NBPF26: variants seen among roughly 807,000 people sequenced by gnomAD.
NBPF26 encodes the protein NBPF family member NBPF26.
NBPF26 carries 79 observed loss-of-function variants against 119.6 expected under a neutral mutation model. The ratio of observed to expected loss-of-function variants is 0.66; its 90% confidence interval spans 0.55 to 0.80. The LOEUF is 0.80. Ranked by LOEUF, NBPF26 falls within the 30% of genes least tolerant of loss-of-function variation. The pLI, the probability that NBPF26 is intolerant of heterozygous loss-of-function variation, is 0.00. For missense variants in NBPF26, 800 were observed against 1,198.2 expected, an observed-to-expected ratio of 0.67 and a Z score of 4.91; for synonymous variants, 299 against 457.7, an observed-to-expected ratio of 0.65 and a Z score of 4.43.
rs1344118463 is a variant in NBPF26 at position 120,742,374 on chromosome 1, C to T, written c.73+18124C>T. On this transcript the variant is annotated intron_variant, in intron 1 of 29. Transcript: ENST00000620612. The stretch of plus-strand genomic sequence containing the variant: ...GTGTGTGTTGGGAGGAGGAATAGAC[C>T]TTGGAATTGTTTTTTCAAAACTTTT... 1.4e-4 allele frequency among the ~76,000 whole-genome samples: 3 copies of T among 21,238 alleles called. 1 individual carries two copies. Among genetic ancestry groups the T allele is most frequent in the Non-Finnish European group, 2.2e-4 (3 of 13,926 alleles). The allele number at this position is 21,238 out of a possible 152,430, so 13.9% of individuals were successfully genotyped here.
intron 10 of NBPF26, among the ~76,000 whole-genome samples, chr1:120,812,954 T>TAATA (rs1329293239): frequency 2.9e-5 from 3 of 102,242 alleles, no homozygotes; most frequent in African/African-American, 5.8e-5. Flanking sequence ...ATAATAATAA[T>TAATA]AATAAATAAA....
intron 4 of NBPF26, among the ~76,000 whole-genome samples, chr1:120,802,331 A>C (rs2101482876): frequency 7.9e-6 from 1 of 126,128 alleles, no homozygotes; most frequent in South Asian, 2.4e-4. Context: ...TGGGGGTAGG[A>C]CCCATTGAGC....
intron 2 of NBPF26, among the ~76,000 whole-genome samples, 156 bp from the exon 3 acceptor site, chr1:120,784,818 T>G (rs1164382407): frequency 8.4e-6 from 1 of 119,194 alleles, no homozygotes; most frequent in Non-Finnish European, 1.6e-5. Context: ...CTCTAAGGAC[T>G]CTTTCTTCTA....
rs1263798469 is a variant in NBPF26, at chr1:120,776,212, C to G, written c.156-8762C>G. Among the ~76,000 whole-genome samples, 3 of 116,348 alleles carry G rather than the reference C, an allele frequency of 2.6e-5. 1 individual carries two copies. Among genetic ancestry groups the G allele is most frequent in the Non-Finnish European group, 4.9e-5 (3 of 60,826 alleles). 76.3% of individuals were successfully genotyped at this position (116,348 alleles called of 152,430 possible). On this transcript the variant is annotated intron_variant, in intron 2 of 29. Transcript: ENST00000620612. ...TGTTGACAGATAATCATAATAAGGGCTAATGAGTAACACAGGCTCAGGGTT... is the reference window on the plus strand; with the variant it reads ...TGTTGACAGATAATCATAATAAGGGGTAATGAGTAACACAGGCTCAGGGTT...
intron 10 of NBPF26, among the ~76,000 whole-genome samples, 184 bp from the exon 11 acceptor site, chr1:120,813,707 A>C (rs1294045078): frequency 7.8e-6 from 1 of 128,450 alleles, no homozygotes; most frequent in Non-Finnish European, 1.6e-5. Flanking sequence ...TCATCTCTAA[A>C]TTTTGGAGGA....
Position 120,816,948 on chromosome 1 carries a change from A to G in NBPF26, c.2371+121A>G. 1.1e-5 allele frequency: 12 copies of G among 1,140,550 alleles called. 1 individual carries two copies. Among genetic ancestry groups the G allele is most frequent in the Non-Finnish European group, 1.5e-5 (12 of 825,492 alleles). 70.7% of individuals were successfully genotyped at this position (1,140,550 alleles called of 1,614,324 possible). A position where few individuals can be genotyped will look rare whatever the true frequency, so the allele number is the denominator to read the frequency against. On this transcript the variant is annotated intron_variant, in intron 14 of 29. Coordinates refer to ENST00000620612, the Ensembl canonical transcript of NBPF26. Reference sequence around the variant, plus strand: ...AAAACTGTGATGGGTTTCTAAACAGATATCAGGGAGTTTTTTGTCCTTCTC... The same window carrying G: ...AAAACTGTGATGGGTTTCTAAACAGGTATCAGGGAGTTTTTTGTCCTTCTC...
rs1650784419 is a variant in NBPF26 at position 120,724,045 on chromosome 1, A to G, written c.-133A>G. ...CACCTGGGCTTCGGAGCGTAGCGCC[A>G]GGGCCTGAGCCTTTGAAGCAGGAGG... On this transcript the variant is annotated 5_prime_UTR_variant, in exon 1 of 30. Coordinates refer to ENST00000620612, the Ensembl canonical transcript of NBPF26. 1.1e-5 allele frequency: 14 copies of G among 1,260,110 alleles called. 2 individuals are homozygous for G. The South Asian group carries it at 2.0e-4, about 18-fold the overall frequency. The allele number at this position is 1,260,110 out of a possible 1,614,324, so 78.1% of individuals were successfully genotyped here. A position where few individuals can be genotyped will look rare whatever the true frequency, so the allele number is the denominator to read the frequency against.
In NBPF26 at chr1:120,737,639, A is replaced by G. The variant is rs1390582768; in HGVS notation, c.73+13389A>G. On this transcript the variant is annotated intron_variant, in intron 1 of 29. Coordinates refer to ENST00000620612, the Ensembl canonical transcript of NBPF26. Reference sequence around the variant, plus strand: ...TGTGGCTATATTTAAAATTTCAATGACAGCAGTGAAAATAATTTGCCTGTG... The same window carrying G: ...TGTGGCTATATTTAAAATTTCAATGGCAGCAGTGAAAATAATTTGCCTGTG... Among the ~76,000 whole-genome samples, 2 of 107,288 alleles carry G rather than the reference A, an allele frequency of 1.9e-5. 1 individual carries two copies. Among genetic ancestry groups the G allele is most frequent in the African/African-American group, 1.1e-4 (2 of 18,594 alleles). 70.4% of individuals were successfully genotyped at this position (107,288 alleles called of 152,430 possible).
At chr1:120,723,953 T>G in exon 1 of NBPF26, 1 of 787,080 alleles carries the variant, frequency 1.3e-6, no homozygotes. Flanking sequence ...TCAGCCAAAC[T>G]TCCGGCGGCG....
chr1:120,842,118 C>G (rs11488542), downstream of NBPF26, among the ~76,000 whole-genome samples: 4 of 109,854 alleles, frequency 3.6e-5, 1 homozygote, highest in South Asian at 1.0e-3. Context: ...TCACTCTGGA[C>G]TTTTGGATTG....
At position 120,806,905 on chromosome 1, in the gene NBPF26, C is replaced by A. The variant is rs1379699662; in HGVS notation, c.962-702C>A. Among the ~76,000 whole-genome samples, 12 of 125,678 alleles carry A rather than the reference C, an allele frequency of 9.5e-5. 1 individual carries two copies. Among genetic ancestry groups the A allele is most frequent in the African/African-American group, 4.1e-4 (11 of 26,652 alleles). 82.4% of individuals were successfully genotyped at this position (125,678 alleles called of 152,430 possible). On this transcript the variant is annotated intron_variant, in intron 5 of 29. Coordinates refer to ENST00000620612, the Ensembl canonical transcript of NBPF26. ...ACATGAGGTATTTCCTGTCAATCTC[C>A]TTGAACATTAATTGGCACAGTGTAA...
intron 3 of NBPF26, among the ~76,000 whole-genome samples, chr1:120,790,442 CAG>C (rs1651474332): frequency 8.6e-6 from 1 of 116,554 alleles, no homozygotes; most frequent in Non-Finnish European, 1.6e-5. Flanking sequence ...CATCTCCACT[CAG>C]AGATGAAGAA....
In NBPF26 at chr1:120,737,756, G is replaced by A. The variant is rs1430679333; in HGVS notation, c.73+13506G>A. Among the ~76,000 whole-genome samples the A allele has an allele frequency of 1.7e-3, 208 of 125,256 alleles. 42 individuals carry two copies. Among genetic ancestry groups the A allele is most frequent in the Non-Finnish European group, 2.8e-3 (171 of 61,370 alleles). 82.2% of individuals were successfully genotyped at this position (125,256 alleles called of 152,430 possible). A position where few individuals can be genotyped will look rare whatever the true frequency, so the allele number is the denominator to read the frequency against. ...AGTGATTCAGAATTGGATTAGCCTG[G>A]ACTGGTGGAGTTACTTTCTCAGAAA... On this transcript the variant is annotated intron_variant, in intron 1 of 29. Transcript: ENST00000620612.
chr1:120,809,705 C>T (rs1651809545), intron 7 of NBPF26, 106 bp from the exon 8 acceptor site: 1 of 1,360,160 alleles, frequency 7.4e-7, no homozygotes, highest in East Asian at 2.3e-5. Context: ...GTTTTCAGTA[C>T]AATGCTGAAC....
intron 1 of NBPF26, among the ~76,000 whole-genome samples, chr1:120,754,632 T>C (rs1272528562): frequency 1.9e-5 from 2 of 102,986 alleles, no homozygotes; most frequent in Non-Finnish European, 3.6e-5. Context: ...TTTATTACTC[T>C]GTTTTCTATG....
intron 2 of NBPF26, among the ~76,000 whole-genome samples, chr1:120,764,592 A>AT (rs1301893818): frequency 0.011 from 1,170 of 107,434 alleles, 63 homozygotes; most frequent in East Asian, 0.1. Flanking sequence ...GCTTAAGAGC[A>AT]TTTTTTTTTT....
At chr1:120,763,806 T>C in intron 2 of NBPF26, 97 bp downstream of exon 2, 1 of 577,450 alleles carries the variant, frequency 1.7e-6, no homozygotes, top group African/African-American at 4.4e-5. Context: ...GGAATGTTAC[T>C]GGTTCTTGAG....
rs1249876338 is a variant in NBPF26 at position 120,802,278 on chromosome 1, A to T, written c.752-3278A>T. Among the ~76,000 whole-genome samples, 71 of 126,160 alleles carry T rather than the reference A, an allele frequency of 5.6e-4. 19 individuals are homozygous for T. The highest frequency in any genetic ancestry group is 2.6e-3 in the African/African-American group (69 of 26,728). The allele number at this position is 126,160 out of a possible 152,430, so 82.8% of individuals were successfully genotyped here. A position where few individuals can be genotyped will look rare whatever the true frequency, so the allele number is the denominator to read the frequency against. ...CCCTGTAAGGAGGACGATGAACTTG[A>T]ATTTGCACTGACTTTCCCAGCTGTT... is the stretch of plus-strand genomic sequence containing the variant. On this transcript the variant is annotated intron_variant, in intron 4 of 29. Coordinates refer to ENST00000620612, the Ensembl canonical transcript of NBPF26.
Position 120,789,490 on chromosome 1 carries a change from G to A in NBPF26, c.416-3671G>A, listed in dbSNP as rs1489501821. 5.3e-5 allele frequency among the ~76,000 whole-genome samples: 6 copies of A among 114,162 alleles called. 1 individual carries two copies. The East Asian group carries it at 1.3e-3, about 25-fold the overall frequency. 74.9% of individuals were successfully genotyped at this position (114,162 alleles called of 152,430 possible). A position where few individuals can be genotyped will look rare whatever the true frequency, so the allele number is the denominator to read the frequency against. On this transcript the variant is annotated intron_variant, in intron 3 of 29. Transcript: ENST00000620612. ...GGTGGTGGCAAGAGAAAATTAGGAA[G>A]AAGCAAAAGCAGAACCCCTGAGGAA...
Sources: gnomAD v4.1 joint callset for allele counts (sites outside exome capture counted in the v4.1 genomes callset) on GRCh38, gnomAD v4.1.1 for gene constraint, MANE v1.5 for transcripts, NCBI Gene and HGNC (gene_info 2026-07-23, HGNC 2026-07-21) for gene names.